The following GDAP1 variants were observed in gnomAD, a reference collection of about 807,000 sequenced individuals.
GDAP1 encodes the protein ganglioside-induced differentiation-associated protein 1.
GDAP1 carries 34 observed loss-of-function variants against 40.1 expected under a neutral mutation model. That is an observed-to-expected ratio of 0.85 (90% CI 0.64 to 1.13). GDAP1 has a LOEUF of 1.13. Ranked by LOEUF, GDAP1 falls within the 50% of genes most tolerant of loss-of-function variation. The pLI is 0.00. For synonymous variants in GDAP1, 170 were observed against 157.4 expected (o/e 1.08, Z -0.60); for missense variants, 374 against 433.7 (o/e 0.86, Z 1.22).
Position 74,364,522 on chromosome 8 carries a change from G to A in GDAP1, c.*155G>A, listed in dbSNP as rs777048240. The A allele has an allele frequency of 1.3e-6, 1 of 789,374 alleles. No homozygotes were observed. Among genetic ancestry groups the A allele is most frequent in the Non-Finnish European group, 2.2e-6 (1 of 460,910 alleles). The allele number at this position is 789,374 out of a possible 1,614,324, so 48.9% of individuals were successfully genotyped here. ...GTTACACAACACAGGGGTTCAGGTA[G>A]CAATAGGACACAAAATTGCTTTATT... is the stretch of plus-strand genomic sequence containing the variant. On this transcript the variant is annotated 3_prime_UTR_variant, in exon 6 of 6. Coordinates refer to ENST00000220822, the MANE Select transcript of GDAP1 (RefSeq NM_018972.4).
chr8:74,417,567 G>A lies in GDAP1; in HGVS notation c.165+66246G>A, dbSNP rs117738255. 5.6e-3 allele frequency among the ~76,000 whole-genome samples: 842 copies of A among 149,892 alleles called. 5 individuals carry two copies. The highest frequency in any genetic ancestry group is 0.014 in the Middle Eastern group (4 of 294). On this transcript the variant is annotated intron_variant, in intron 2 of 2. Coordinates refer to the GDAP1 transcript ENST00000523640. ...TTACAGGCGTGAGCCAATGCGCCCA[G>A]CCAACATGGTGAAACCCCGTCTGTA... is the stretch of plus-strand genomic sequence containing the variant.
intron 2 of GDAP1, among the ~76,000 whole-genome samples, chr8:74,388,033 T>C (rs1172817497): frequency 6.6e-6 from 1 of 152,192 alleles, no homozygotes; most frequent in East Asian, 1.9e-4. Flanking sequence ...CTCTTTATCA[T>C]TTTTTATTGT....
intron 2 of GDAP1, among the ~76,000 whole-genome samples, chr8:74,487,347 AT>A (rs1287684680): frequency 2.6e-5 from 4 of 152,164 alleles, no homozygotes; most frequent in Non-Finnish European, 1.5e-5. Flanking sequence ...TTTCTAAAAC[AT>A]TAATTCATAG....
At chr8:74,466,417 A>T (rs1806470639) in intron 2 of GDAP1, among the ~76,000 whole-genome samples, 1 of 152,154 alleles carries the variant, frequency 6.6e-6, no homozygotes, top group Non-Finnish European at 1.5e-5. Context: ...ACGAAGGTAG[A>T]TGTGTGAAGA....
intron 2 of GDAP1, among the ~76,000 whole-genome samples, chr8:74,485,979 G>A (rs1389475407): frequency 1.3e-5 from 2 of 152,132 alleles, no homozygotes; most frequent in East Asian, 3.9e-4. Flanking sequence ...GAAAATCTGT[G>A]GTACTGAACT....
intron 2 of GDAP1, among the ~76,000 whole-genome samples, chr8:74,419,463 C>G (rs760215227): frequency 2.0e-5 from 3 of 152,102 alleles, no homozygotes; most frequent in African/African-American, 7.2e-5. Flanking sequence ...AAAGAAAAAA[C>G]TGTAGCAATG....
At chr8:74,371,552 T>C (rs1056723809), downstream of GDAP1, among the ~76,000 whole-genome samples, 278 of 151,194 alleles carry the variant, frequency 1.8e-3, 1 homozygote, top group African/African-American at 6.4e-3. Context: ...CCCAGCTACT[T>C]GGGAGGCTGA....
In GDAP1 at chr8:74,352,209, C is replaced by A. The variant is rs147348786; in HGVS notation, c.310+743C>A. 5.8e-3 allele frequency among the ~76,000 whole-genome samples: 884 copies of A among 152,274 alleles called. 3 individuals are homozygous for A. Among genetic ancestry groups the A allele is most frequent in the Middle Eastern group, 0.014 (4 of 294 alleles). Reference sequence around the variant, plus strand: ...ACTGACTGTCTCCCATAATCCTTGCCACTTACACATTGTCTTGCTTGTTCC... The same window carrying A: ...ACTGACTGTCTCCCATAATCCTTGCAACTTACACATTGTCTTGCTTGTTCC... On this transcript the variant is annotated intron_variant, in intron 2 of 5. Coordinates refer to ENST00000220822, the MANE Select transcript of GDAP1 (RefSeq NM_018972.4).
rs1428263072 is a variant in GDAP1 at position 74,415,911 on chromosome 8, A to C, written c.165+64590A>C. ...GATTTCAACCCTACTTGAGATTCTC[A>C]ATATAATCTCTAGTGGGGATGATCC... is the stretch of plus-strand genomic sequence containing the variant. On this transcript the variant is annotated intron_variant, in intron 2 of 2. Transcript: ENST00000523640. Among the ~76,000 whole-genome samples the C allele has an allele frequency of 2.0e-5, 3 of 149,442 alleles. 1 individual carries two copies. The highest frequency in any genetic ancestry group is 7.7e-5 in the African/African-American group (3 of 38,860).
At chr8:74,375,095 G>A (rs531555333) in intron 2 of GDAP1, among the ~76,000 whole-genome samples, 37 of 152,120 alleles carry the variant, frequency 2.4e-4, no homozygotes, top group East Asian at 1.9e-4. Flanking sequence ...GGGAGGTCAA[G>A]GTGGGTGGAT....
intron 2 of GDAP1, among the ~76,000 whole-genome samples, chr8:74,412,189 G>C (rs1298072831): frequency 6.7e-6 from 1 of 149,940 alleles, no homozygotes; most frequent in Non-Finnish European, 1.5e-5. Flanking sequence ...CATTGGATGA[G>C]TTAAAAATCA....
chr8:74,446,668 G>A (rs1186816948), intron 2 of GDAP1, among the ~76,000 whole-genome samples: 2 of 152,084 alleles, frequency 1.3e-5, no homozygotes, highest in Admixed American at 6.6e-5. Flanking sequence ...CAATTACTAG[G>A]TGCCACGTTT....
intron 2 of GDAP1, among the ~76,000 whole-genome samples, chr8:74,443,980 G>GTCTATCTATCTATCTA (rs34362360): frequency 5.0e-4 from 74 of 147,428 alleles, no homozygotes; most frequent in African/African-American, 6.8e-4. Context: ...CTTTCTGTCT[G>GTCTATCTATCTATCTA]TCTATCTATC....
At chr8:74,423,931 T>C (rs1805914995) in intron 2 of GDAP1, among the ~76,000 whole-genome samples, 2 of 152,166 alleles carry the variant, frequency 1.3e-5, no homozygotes, top group South Asian at 4.2e-4. Context: ...ATTAACCTAA[T>C]CTCCAAAGAG....
intron 2 of GDAP1, among the ~76,000 whole-genome samples, chr8:74,464,111 G>A (rs866142115): frequency 5.2e-4 from 79 of 152,156 alleles, no homozygotes; most frequent in African/African-American, 1.8e-3. Flanking sequence ...GGACAAATCT[G>A]GGTTTCCAGA....
At chr8:74,426,548 A>G (rs1301061492) in intron 2 of GDAP1, among the ~76,000 whole-genome samples, 2 of 152,230 alleles carry the variant, frequency 1.3e-5, no homozygotes, top group South Asian at 4.1e-4. Flanking sequence ...ACATTCTTGT[A>G]GAACTGTTCC....
At chr8:74,485,748 G>T (rs1035648882) in intron 2 of GDAP1, among the ~76,000 whole-genome samples, 2 of 152,036 alleles carry the variant, frequency 1.3e-5, no homozygotes. Flanking sequence ...GCAATTTTGT[G>T]CCCCACTGAG....
chr8:74,470,343 G>A (rs1806534066), intron 2 of GDAP1, among the ~76,000 whole-genome samples: 1 of 152,118 alleles, frequency 6.6e-6, no homozygotes, highest in Non-Finnish European at 1.5e-5. Flanking sequence ...ATGTTGGTGT[G>A]CTGCACCCAT....
chr8:74,450,450 T>A (rs917328662), intron 2 of GDAP1, among the ~76,000 whole-genome samples: 3 of 151,934 alleles, frequency 2.0e-5, no homozygotes, highest in African/African-American at 7.2e-5. Flanking sequence ...AATATTCAAT[T>A]CTGAATGTGA....
Sources: allele counts gnomAD v4.1 joint callset (sites outside exome capture counted in the v4.1 genomes callset), GRCh38; gene constraint gnomAD v4.1.1; transcripts MANE v1.5; gene names NCBI Gene and HGNC (gene_info 2026-07-23, HGNC 2026-07-21).